The following SCG5 variants were observed in gnomAD, a reference collection of about 807,000 sequenced individuals.
SCG5 encodes secretogranin V.
SCG5 carries 18 observed loss-of-function variants against 25.7 expected under a neutral mutation model. The ratio of observed to expected loss-of-function variants is 0.70; its 90% confidence interval spans 0.48 to 1.04. SCG5 has a LOEUF of 1.04. Ranked by LOEUF, SCG5 falls within the 50% of genes least tolerant of loss-of-function variation. The probability of loss-of-function intolerance (pLI) is 0.00; values close to 1 mark genes in which losing one functional copy is unlikely to be tolerated. For synonymous variants in SCG5, 101 were observed against 91.7 expected, an observed-to-expected ratio of 1.10 and a Z score of -0.58; for missense variants, 206 against 259.8, an observed-to-expected ratio of 0.79 and a Z score of 1.42.
At chr15:32,696,203 C>T (rs539879074) in intron 5 of SCG5, among the ~76,000 whole-genome samples, 30 of 152,186 alleles carry the variant, frequency 2.0e-4, no homozygotes, top group African/African-American at 7.0e-4. Context: ...CTGCAAGCTC[C>T]GCCTCCCGGG....
chr15:32,647,088 A>G (rs1227598559), intron 2 of SCG5, among the ~76,000 whole-genome samples: 1 of 152,224 alleles, frequency 6.6e-6, no homozygotes, highest in East Asian at 1.9e-4. Flanking sequence ...ATTTATTACT[A>G]ATATGACCTT....
intron 3 of SCG5, among the ~76,000 whole-genome samples, chr15:32,681,715 G>T (rs1278204836): frequency 6.6e-6 from 1 of 151,978 alleles, no homozygotes; most frequent in Non-Finnish European, 1.5e-5. Flanking sequence ...CTTCCAAGGT[G>T]CTGGGATTAT....
chr15:32,670,519 C>T (rs1029815064), intron 2 of SCG5, among the ~76,000 whole-genome samples: 6 of 152,202 alleles, frequency 3.9e-5, no homozygotes, highest in African/African-American at 1.2e-4. Context: ...CAACATAAAC[C>T]CTCACCATTC....
At chr15:32,690,386 A>G (rs911793252) in intron 4 of SCG5, among the ~76,000 whole-genome samples, 5 of 152,230 alleles carry the variant, frequency 3.3e-5, no homozygotes, top group African/African-American at 7.2e-5. Context: ...TCTCTGCCTC[A>G]GGAGTTTTTA....
chr15:32,684,847 C>T (rs994088903), intron 4 of SCG5, among the ~76,000 whole-genome samples, 178 bp downstream of exon 4: 1 of 152,174 alleles, frequency 6.6e-6, no homozygotes, highest in South Asian at 2.1e-4. Context: ...ACTTATGTGT[C>T]CAGGCAGCAC....
At chr15:32,689,016 G>A (rs940946361) in intron 4 of SCG5, among the ~76,000 whole-genome samples, 5 of 151,548 alleles carry the variant, frequency 3.3e-5, no homozygotes, top group East Asian at 3.9e-4. Context: ...TTGGGGCTGT[G>A]TAAATATTCT....
At chr15:32,648,926 C>T (rs1176731703) in intron 2 of SCG5, among the ~76,000 whole-genome samples, 1 of 152,184 alleles carries the variant, frequency 6.6e-6, no homozygotes, top group Non-Finnish European at 1.5e-5. Flanking sequence ...CGCCCGCCAC[C>T]ACGCCCGGCT....
At position 32,696,593 on chromosome 15, in the gene SCG5, A is replaced by C. The variant is rs1191153532; in HGVS notation, c.623A>C (p.Asp208Ala). The change falls in exon 6 of 6, where the codon GAT becomes GCT. Residue 208 changes from aspartate to alanine, a missense_variant. Physicochemically the swap from Asp to Ala is moderately radical, Grantham distance 126. Coordinates refer to ENST00000300175, the MANE Select transcript of SCG5 (RefSeq NM_001144757.3). The stretch of plus-strand genomic sequence containing the variant: ...TCTGTCCCCCATTTTTCAGATGAGG[A>C]TAAGGATCCAGAGTAAAGAGAAGAT... ...KKSVPHFSDE[D>A]KDPE The C allele has an allele frequency of 6.2e-7, 1 of 1,611,650 alleles. No individual in the cohort carries two copies. Among genetic ancestry groups the C allele is most frequent in the African/African-American group, 1.3e-5 (1 of 74,892 alleles).
rs1012780593 is a variant in SCG5, at chr15:32,641,786, C to G, written c.-8+8C>G. The G allele has an allele frequency of 5.3e-5, 8 of 152,322 alleles. No individual in the cohort carries two copies. Among genetic ancestry groups the G allele is most frequent in the African/African-American group, 4.8e-5 (2 of 41,450 alleles). 9.4% of individuals were successfully genotyped at this position (152,322 alleles called of 1,614,324 possible). A position where few individuals can be genotyped will look rare whatever the true frequency, so the allele number is the denominator to read the frequency against. ...TCCTCGGGCTGCCCCTCGGTGAGTACAGTTTTGATGTCGGCTCGGCCGCCT... is the reference window on the plus strand; with the variant it reads ...TCCTCGGGCTGCCCCTCGGTGAGTAGAGTTTTGATGTCGGCTCGGCCGCCT... On this transcript the variant is annotated splice_region_variant and intron_variant, in intron 1 of 5. Coordinates refer to ENST00000300175, the MANE Select transcript of SCG5 (RefSeq NM_001144757.3).
At chr15:32,672,805 T>TA (rs1276818085) in intron 2 of SCG5, among the ~76,000 whole-genome samples, 1 of 151,608 alleles carries the variant, frequency 6.6e-6, no homozygotes, top group Non-Finnish European at 1.5e-5. Flanking sequence ...TCCCCAGGTC[T>TA]CACTTTCTCA....
intron 2 of SCG5, among the ~76,000 whole-genome samples, chr15:32,660,906 A>G (rs1279173854): frequency 6.6e-6 from 1 of 152,258 alleles, no homozygotes; most frequent in Non-Finnish European, 1.5e-5. Flanking sequence ...TGACTCCACT[A>G]TTATATTTGG....
chr15:32,643,670 T>C lies in SCG5; in HGVS notation c.78T>C (p.Ala26=), dbSNP rs1430601888. 2 of 1,613,982 alleles carry C rather than the reference T, an allele frequency of 1.2e-6. No individual in the cohort carries two copies. The highest frequency in any genetic ancestry group is 2.2e-5 in the East Asian group (1 of 44,878). Residue 26 remains alanine (A), a synonymous_variant, in exon 2 of 6, where the codon GCT becomes GCC. Coordinates refer to ENST00000300175, the MANE Select transcript of SCG5 (RefSeq NM_001144757.3). ...WLASGWTPAF[A]YSPRTPDRVS... The stretch of plus-strand genomic sequence containing the variant: ...CATCTGGATGGACTCCAGCATTTGC[T>C]TACAGCCCCCGGACCCCTGACCGGG...
intron 4 of SCG5, among the ~76,000 whole-genome samples, chr15:32,690,032 G>A (rs922288508): frequency 2.6e-5 from 4 of 152,008 alleles, no homozygotes; most frequent in Non-Finnish European, 1.5e-5. Flanking sequence ...TAGTAGAGAC[G>A]GGGTTTCACC....
chr15:32,683,104 C>T (rs1057160434), intron 3 of SCG5, among the ~76,000 whole-genome samples: 6 of 152,210 alleles, frequency 3.9e-5, no homozygotes, highest in Non-Finnish European at 8.8e-5. Flanking sequence ...AGATAAATAG[C>T]TCACTGAAAA....
In SCG5 at chr15:32,643,575, T is replaced by C. The variant is rs1567067017; in HGVS notation, c.-7-11T>C. On this transcript the variant is annotated splice_polypyrimidine_tract_variant and intron_variant, in intron 1 of 5. Coordinates refer to ENST00000300175, the MANE Select transcript of SCG5 (RefSeq NM_001144757.3). ...TAGCCTATCAGTATACATTTGGTCT[T>C]TTATCTGCAGGTTGACAATGGTCTC... 6.3e-7 allele frequency: 1 copy of C among 1,599,296 alleles called. No homozygotes were observed. Among genetic ancestry groups the C allele is most frequent in the East Asian group, 2.2e-5 (1 of 44,746 alleles).
chr15:32,683,629 C>T (rs2054654489), intron 3 of SCG5, among the ~76,000 whole-genome samples: 1 of 152,184 alleles, frequency 6.6e-6, no homozygotes, highest in Non-Finnish European at 1.5e-5. Flanking sequence ...TTCCTCACAG[C>T]AATCCCGTAG....
intron 4 of SCG5, among the ~76,000 whole-genome samples, chr15:32,686,213 C>CTTAA (rs2054705808): frequency 6.6e-6 from 1 of 152,132 alleles, no homozygotes; most frequent in African/African-American, 2.4e-5. Context: ...AGTAGTAGAG[C>CTTAA]TTAAACATGT....
In SCG5 at chr15:32,661,196, T is replaced by C. The variant is rs371088106; in HGVS notation, c.226+17378T>C. ...AACAGAAGGGGCATAGAACCTGGATTCAAGTCAGAGCAGGGTTTACACCCT... is the reference window on the plus strand; with the variant it reads ...AACAGAAGGGGCATAGAACCTGGATCCAAGTCAGAGCAGGGTTTACACCCT... On this transcript the variant is annotated intron_variant, in intron 2 of 5. Coordinates refer to ENST00000300175, the MANE Select transcript of SCG5 (RefSeq NM_001144757.3). Among the ~76,000 whole-genome samples, 8 of 152,324 alleles carry C rather than the reference T, an allele frequency of 5.3e-5. No individual in the cohort carries two copies. The East Asian group carries it at 7.7e-4, about 15-fold the overall frequency.
Position 32,656,357 on chromosome 15 carries a change from A to G in SCG5, c.226+12539A>G, listed in dbSNP as rs539506860. 6.6e-5 allele frequency: 10 copies of G among 152,392 alleles called. No homozygotes were observed. In the South Asian group the frequency reaches 1.9e-3, roughly 28 times the overall value. 9.4% of individuals were successfully genotyped at this position (152,392 alleles called of 1,614,324 possible). A position where few individuals can be genotyped will look rare whatever the true frequency, so the allele number is the denominator to read the frequency against. The stretch of plus-strand genomic sequence containing the variant: ...ATCAACAATTTCCCACAGGTAATTG[A>G]CAAAGTGGATCAGGCACATGTAGGA... On this transcript the variant is annotated intron_variant, in intron 2 of 5. Transcript: ENST00000300175.
Sources: gnomAD v4.1 joint callset for allele counts (sites outside exome capture counted in the v4.1 genomes callset) on GRCh38, gnomAD v4.1.1 for gene constraint, MANE v1.5 for transcripts, NCBI Gene and HGNC (gene_info 2026-07-23, HGNC 2026-07-21) for gene names.